ACOXL: variants seen among roughly 807,000 people sequenced by gnomAD.
ACOXL encodes the protein acyl-coenzyme A oxidase-like protein.
A neutral mutation model predicts 71.9 loss-of-function variants in ACOXL; 70 were observed. That is an observed-to-expected ratio of 0.97 (90% CI 0.80 to 1.19). ACOXL has a LOEUF of 1.19. Ranked by LOEUF, ACOXL falls within the 50% of genes most tolerant of loss-of-function variation. The pLI, the probability that ACOXL is intolerant of heterozygous loss-of-function variation, is 0.00. For synonymous variants in ACOXL, 253 were observed against 281.6 expected (o/e 0.90, Z 1.02); for missense variants, 703 against 736.3 (o/e 0.95, Z 0.52).
chr2:110,951,082 G>A (rs1346653986), intron 12 of ACOXL, among the ~76,000 whole-genome samples: 2 of 152,136 alleles, frequency 1.3e-5, no homozygotes, highest in Non-Finnish European at 2.9e-5. Flanking sequence ...AGTTGAGTCA[G>A]AGTCCTCTCC....
At position 110,967,606 on chromosome 2, in the gene ACOXL, TAAGAC is replaced by T. The variant is rs569913525; in HGVS notation, c.1060-19501_1060-19497del. On this transcript the variant is annotated intron_variant, in intron 12 of 17. Coordinates refer to ENST00000439055, the MANE Select transcript of ACOXL (RefSeq NM_001142807.4). ...ATTACAAATTTTTACATGTAAATAA[TAAGAC>T]TATATAATGTGATACTGTGAGGTTC... 3.9e-5 allele frequency among the ~76,000 whole-genome samples: 6 copies of T among 152,296 alleles called. 1 individual carries two copies. In the South Asian group the frequency reaches 1.2e-3, roughly 32 times the overall value.
intron 10 of ACOXL, among the ~76,000 whole-genome samples, chr2:110,853,993 A>G (rs1265154679): frequency 1.3e-5 from 2 of 151,226 alleles, no homozygotes; most frequent in African/African-American, 4.9e-5. Context: ...TCTTCCATGG[A>G]CTAAATGAGG....
chr2:110,878,681 C>T (rs1265356303), intron 10 of ACOXL, among the ~76,000 whole-genome samples: 2 of 151,936 alleles, frequency 1.3e-5, no homozygotes, highest in Non-Finnish European at 2.9e-5. Context: ...AGGAGAATCC[C>T]TTGAACCTGG....
intron 16 of ACOXL, among the ~76,000 whole-genome samples, chr2:111,075,267 A>C (rs941132206): frequency 5.9e-5 from 9 of 152,066 alleles, no homozygotes; most frequent in African/African-American, 2.2e-4. Flanking sequence ...ACATTTTCTT[A>C]AACTTTAATG....
At chr2:111,013,794 A>C (rs928256431) in intron 14 of ACOXL, among the ~76,000 whole-genome samples, 2 of 152,194 alleles carry the variant, frequency 1.3e-5, no homozygotes, top group African/African-American at 4.8e-5. Context: ...AAACCAGTGT[A>C]AGACTGATAC....
chr2:110,928,255 A>T (rs1022161344), intron 11 of ACOXL, among the ~76,000 whole-genome samples: 13 of 152,250 alleles, frequency 8.5e-5, no homozygotes, highest in African/African-American at 2.4e-5. Context: ...CTAAGATTTC[A>T]TGTGTAGTAA....
chr2:110,835,074 C>T (rs748664746), intron 9 of ACOXL, among the ~76,000 whole-genome samples: 3 of 152,178 alleles, frequency 2.0e-5, no homozygotes, highest in African/African-American at 2.4e-5. Context: ...AAACAAGCAC[C>T]GCCTAGGTTT....
intron 17 of ACOXL, among the ~76,000 whole-genome samples, chr2:111,107,364 C>T (rs2069617142): frequency 6.6e-6 from 1 of 152,202 alleles, no homozygotes; most frequent in Non-Finnish European, 1.5e-5. Flanking sequence ...ATTTGTTTTA[C>T]ATATAATATC....
At chr2:110,977,639 C>G (rs2062512306) in intron 12 of ACOXL, among the ~76,000 whole-genome samples, 1 of 152,142 alleles carries the variant, frequency 6.6e-6, no homozygotes. Context: ...TTTTTCGAAA[C>G]CAGATGTTGC....
At chr2:110,767,257 T>G (rs111659670) in intron 1 of ACOXL, among the ~76,000 whole-genome samples, 1 of 152,156 alleles carries the variant, frequency 6.6e-6, no homozygotes, top group Non-Finnish European at 1.5e-5. Flanking sequence ...TTTAGGTTCA[T>G]TGAGAAGTGG....
intron 12 of ACOXL, among the ~76,000 whole-genome samples, chr2:110,964,054 A>G (rs2061823751): frequency 6.6e-6 from 1 of 152,190 alleles, no homozygotes; most frequent in Non-Finnish European, 1.5e-5. Flanking sequence ...TCAGCCTCCT[A>G]ATGATCAAGG....
intron 9 of ACOXL, among the ~76,000 whole-genome samples, chr2:110,840,891 C>A (rs1330208538): frequency 2.6e-5 from 4 of 152,194 alleles, no homozygotes; most frequent in Admixed American, 2.6e-4. Flanking sequence ...GACTCTGGCC[C>A]AGGTGGCCTG....
At chr2:110,820,985 A>G (rs1688525776) in intron 9 of ACOXL, among the ~76,000 whole-genome samples, 1 of 152,202 alleles carries the variant, frequency 6.6e-6, no homozygotes, top group Non-Finnish European at 1.5e-5. Flanking sequence ...TCCAGTGAAT[A>G]ACATGTATGA....
intron 6 of ACOXL, 94 bp downstream of exon 6, chr2:110,798,818 A>G: frequency 7.9e-7 from 1 of 1,272,616 alleles, no homozygotes; most frequent in African/African-American, 1.5e-5. Flanking sequence ...TATCTTGTAA[A>G]TAATTCAGTA....
At chr2:110,861,234 C>T (rs891861992) in intron 10 of ACOXL, among the ~76,000 whole-genome samples, 21 of 152,172 alleles carry the variant, frequency 1.4e-4, no homozygotes, top group African/African-American at 4.6e-4. Flanking sequence ...CAGGCATTTT[C>T]AGAAACCTCT....
At chr2:110,908,416 G>T (rs2059536239) in intron 10 of ACOXL, among the ~76,000 whole-genome samples, 1 of 152,058 alleles carries the variant, frequency 6.6e-6, no homozygotes, top group Non-Finnish European at 1.5e-5. Context: ...TATGTTCTAG[G>T]GTATTGCTCC....
intron 10 of ACOXL, 77 bp from the exon 11 acceptor site, chr2:110,908,712 G>A: frequency 2.6e-6 from 3 of 1,147,598 alleles, no homozygotes; most frequent in South Asian, 2.6e-5. Context: ...TGGCTAGCCA[G>A]CATTTTTAGC....
At chr2:110,962,511 A>G (rs191639935) in intron 12 of ACOXL, among the ~76,000 whole-genome samples, 2 of 152,314 alleles carry the variant, frequency 1.3e-5, no homozygotes, top group Admixed American at 6.5e-5. Flanking sequence ...GCATTGATGG[A>G]GATGAGGGAA....
At chr2:110,751,715 A>G (rs1573335826) in intron 1 of ACOXL, among the ~76,000 whole-genome samples, 2 of 152,120 alleles carry the variant, frequency 1.3e-5, no homozygotes, top group African/African-American at 4.8e-5. Flanking sequence ...GTTCTCTTAT[A>G]CCCTTGCCAG....
Sources: gnomAD v4.1 joint callset for allele counts (sites outside exome capture counted in the v4.1 genomes callset) on GRCh38, gnomAD v4.1.1 for gene constraint, MANE v1.5 for transcripts, NCBI Gene and HGNC (gene_info 2026-07-23, HGNC 2026-07-21) for gene names.